The following SCN2A variants were observed in gnomAD, a reference collection of about 807,000 sequenced individuals.
SCN2A encodes sodium voltage-gated channel alpha subunit 2.
In SCN2A, 20 loss-of-function variants were observed where a neutral mutation model predicts 188.7. That is an observed-to-expected ratio of 0.11 (90% CI 0.07 to 0.15). SCN2A has a LOEUF of 0.15. Among genes scored for constraint, SCN2A ranks in the 10% least tolerant of loss-of-function variants. The probability of loss-of-function intolerance (pLI) is 1.00; values close to 1 mark genes in which losing one functional copy is unlikely to be tolerated. For synonymous variants in SCN2A, 804 were observed against 833.1 expected, an observed-to-expected ratio of 0.97 and a Z score of 0.60; for missense variants, 1,278 against 2,445.0, an observed-to-expected ratio of 0.52 and a Z score of 10.07.
chr2:165,296,770 G>T, intron 2 of SCN2A: 1 of 285,316 alleles, frequency 3.5e-6, no homozygotes, highest in Middle Eastern at 1.1e-3. Context: ...ACTTGATAAA[G>T]TTGCTAAGAA....
chr2:165,291,372 C>A (rs1397697489), intron 1 of SCN2A, among the ~76,000 whole-genome samples: 6,090 of 117,774 alleles, frequency 0.052, 260 homozygotes, highest in Non-Finnish European at 0.063. Context: ...TCCTTCCTTC[C>A]TTCCTTCCTT....
At chr2:165,385,360 A>C (rs1047512406) in intron 25 of SCN2A, among the ~76,000 whole-genome samples, 1 of 152,216 alleles carries the variant, frequency 6.6e-6, no homozygotes, top group South Asian at 2.1e-4. Context: ...AGATACGTGC[A>C]AAATGGAACA....
intron 1 of SCN2A, among the ~76,000 whole-genome samples, chr2:165,291,525 T>TTTCCTTCCTTCCTTCCTTCCTTCCTTCC: frequency 1.7e-5 from 1 of 58,636 alleles, no homozygotes; most frequent in African/African-American, 7.9e-5. Flanking sequence ...CTCTCCTTTC[T>TTTCCTTCCTTCCTTCCTTCCTTCCTTCC]TTCCTTCCTT....
intron 1 of SCN2A, among the ~76,000 whole-genome samples, chr2:165,291,035 C>CTTTCTTTTT (rs1559339507): frequency 1.1e-4 from 9 of 79,962 alleles, no homozygotes; most frequent in Non-Finnish European, 1.6e-4. Flanking sequence ...TCTTTTCTTT[C>CTTTCTTTTT]TTTTTTTTTT....
chr2:165,257,782 C>T (rs1001193793), intron 1 of SCN2A, among the ~76,000 whole-genome samples: 2 of 152,130 alleles, frequency 1.3e-5, no homozygotes, highest in Admixed American at 6.5e-5. Flanking sequence ...AAGTGATCCA[C>T]CCCCCTCGGC....
At chr2:165,362,614 C>T (rs1024953922) in intron 17 of SCN2A, among the ~76,000 whole-genome samples, 2 of 151,972 alleles carry the variant, frequency 1.3e-5, no homozygotes, top group Non-Finnish European at 2.9e-5. Context: ...AAGCCTGTTC[C>T]TTGTATTGAA....
intron 1 of SCN2A, among the ~76,000 whole-genome samples, chr2:165,283,513 A>G (rs919946660): frequency 6.6e-6 from 1 of 152,218 alleles, no homozygotes; most frequent in Non-Finnish European, 1.5e-5. Flanking sequence ...ATTATGGTGC[A>G]TGTGAAGGTA....
At chr2:165,375,856 A>G (rs1391330406) in intron 22 of SCN2A, among the ~76,000 whole-genome samples, 9 of 151,872 alleles carry the variant, frequency 5.9e-5, no homozygotes, top group Non-Finnish European at 1.3e-4. Flanking sequence ...GACATACACA[A>G]TGAAATAGTA....
intron 13 of SCN2A, 187 bp downstream of exon 13, chr2:165,327,171 T>A: frequency 1.5e-6 from 1 of 651,378 alleles, no homozygotes; most frequent in Non-Finnish European, 2.5e-6. Context: ...TTTTTTTATA[T>A]TTAGCCTCCA....
intron 14 of SCN2A, among the ~76,000 whole-genome samples, chr2:165,339,303 A>ATTCT (rs780500814): frequency 8.5e-5 from 13 of 152,108 alleles, no homozygotes; most frequent in Non-Finnish European, 1.6e-4. Flanking sequence ...GAGGTAGTGA[A>ATTCT]TTCTTGCCCC....
In SCN2A at chr2:165,313,690, A is replaced by T; in HGVS notation, c.1105A>T (p.Thr369Ser). 1 of 1,613,626 alleles carries T rather than the reference A, an allele frequency of 6.2e-7. No individual in the cohort carries two copies. The highest frequency in any genetic ancestry group is 8.5e-7 in the Non-Finnish European group (1 of 1,179,676). Residue 369 changes from threonine (T) to serine (S), a missense_variant, in exon 9 of 27, where the codon ACC becomes TCC. Around this residue, in one of 17 missense-constraint regions of SCN2A, gnomAD observed 42 missense variants for 137.3 expected, o/e 0.31. Transcript: ENST00000375437. ...CAACTATGGCTACACGAGCTTTGAC[A>T]CCTTTAGTTGGGCCTTTTTGTCCTT... is the stretch of plus-strand genomic sequence containing the variant. ...NPNYGYTSFDTFSWAFLSLFR... is the reference protein window; with the variant it reads ...NPNYGYTSFDSFSWAFLSLFR...
At chr2:165,254,439 G>A (rs1248193513) in intron 1 of SCN2A, among the ~76,000 whole-genome samples, 4 of 151,538 alleles carry the variant, frequency 2.6e-5, no homozygotes, top group Non-Finnish European at 5.9e-5. Flanking sequence ...ATTTATATTT[G>A]CTTCAAAAAT....
At chr2:165,254,675 T>C (rs62176217) in intron 1 of SCN2A, among the ~76,000 whole-genome samples, 368 of 151,972 alleles carry the variant, frequency 2.4e-3, no homozygotes, top group Non-Finnish European at 3.4e-3. Context: ...ACAATTTCAC[T>C]TTCATAGACG....
At chr2:165,338,465 T>C (rs1294859146) in intron 14 of SCN2A, among the ~76,000 whole-genome samples, 1 of 152,016 alleles carries the variant, frequency 6.6e-6, no homozygotes, top group Non-Finnish European at 1.5e-5. Flanking sequence ...TTTCATCGTG[T>C]TAGCCAGGAT....
intron 1 of SCN2A, among the ~76,000 whole-genome samples, chr2:165,251,077 T>C (rs1192799602): frequency 1.3e-5 from 2 of 152,148 alleles, no homozygotes; most frequent in East Asian, 3.8e-4. Flanking sequence ...GTATATACTA[T>C]TTTAGTTTTA....
chr2:165,271,931 A>G lies in SCN2A; in HGVS notation c.-51-23842A>G, dbSNP rs371670477. 9 of 152,026 alleles carry G rather than the reference A, an allele frequency of 5.9e-5. No individual in the cohort carries two copies. In the South Asian group the frequency reaches 8.3e-4, roughly 14 times the overall value. 9.4% of individuals were successfully genotyped at this position (152,026 alleles called of 1,614,324 possible). A position where few individuals can be genotyped will look rare whatever the true frequency, so the allele number is the denominator to read the frequency against. On this transcript the variant is annotated intron_variant, in intron 1 of 26. Coordinates refer to ENST00000375437, the MANE Select transcript of SCN2A (RefSeq NM_001040142.2). ...TTGTTGTTGAGTAGCACTCTCCTAT[A>G]TAAGTATGTTATAATAATGTTTCAT...
At chr2:165,380,812 C>A in intron 24 of SCN2A, 83 bp downstream of exon 24, 1 of 1,105,058 alleles carries the variant, frequency 9.0e-7, no homozygotes, top group South Asian at 1.4e-5. Context: ...AAAATGCAAT[C>A]ACCAAAAAAA....
At chr2:165,315,380 A>G (rs1574571405) in intron 10 of SCN2A, 91 bp from the exon 11 acceptor site, 1 of 1,575,494 alleles carries the variant, frequency 6.3e-7, no homozygotes, top group East Asian at 2.2e-5. Context: ...TTTCAAGATT[A>G]TCTTCATGAT....
intron 1 of SCN2A, chr2:165,269,051 C>T (rs944580714): frequency 6.6e-6 from 1 of 151,872 alleles, no homozygotes; most frequent in Admixed American, 6.6e-5. Flanking sequence ...TTCAGTTAAA[C>T]AGGAGGAATA....
Sources: gnomAD v4.1 joint callset for allele counts (sites outside exome capture counted in the v4.1 genomes callset) on GRCh38, gnomAD v4.1.1 for gene constraint, gnomAD v4.1.1 regional missense constraint, MANE v1.5 for transcripts, NCBI Gene and HGNC (gene_info 2026-07-23, HGNC 2026-07-21) for gene names.